The following DPAGT1 variants were observed in gnomAD, a reference collection of about 807,000 sequenced individuals.
DPAGT1 encodes the protein UDP-N-acetylglucosamine--dolichyl-phosphate N-acetylglucosaminephosphotransferase.
In DPAGT1, 25 loss-of-function variants were observed where a neutral mutation model predicts 39.3. The observed-to-expected ratio is 0.64, with a 90% confidence interval of 0.46 to 0.89. DPAGT1 has a LOEUF of 0.89. DPAGT1 is among the 40% of genes least tolerant of loss of function. DPAGT1 has a pLI of 0.00. For missense variants in DPAGT1, 381 were observed against 500.6 expected, an observed-to-expected ratio of 0.76 and a Z score of 2.28; for synonymous variants, 193 against 201.4, an observed-to-expected ratio of 0.96 and a Z score of 0.36.
Position 119,096,884 on chromosome 11 carries a change from G to A in DPAGT1, c.*114C>T. 1.7e-6 allele frequency: 2 copies of A among 1,197,134 alleles called. No individual in the cohort carries two copies. Among genetic ancestry groups the A allele is most frequent in the South Asian group, 1.3e-5 (1 of 77,342 alleles). The allele number at this position is 1,197,134 out of a possible 1,614,324, so 74.2% of individuals were successfully genotyped here. A position where few individuals can be genotyped will look rare whatever the true frequency, so the allele number is the denominator to read the frequency against. ...AAAATGCTGAGAACAAAATCTGGAGGAGTATGAAGAGTGAGAGAGGCCTGG... is the reference window on the plus strand; with the variant it reads ...AAAATGCTGAGAACAAAATCTGGAGAAGTATGAAGAGTGAGAGAGGCCTGG... On this transcript the variant is annotated 3_prime_UTR_variant, in exon 9 of 9. Coordinates refer to ENST00000354202, the MANE Select transcript of DPAGT1 (RefSeq NM_001382.4).
At chr11:119,095,033 G>A (rs1395282840), downstream of DPAGT1, 1 of 1,613,558 alleles carries the variant, frequency 6.2e-7, no homozygotes. Context: ...GGTGGCGCTG[G>A]TCTTCTTGGG....
chr11:119,098,481 C>A lies in DPAGT1; in HGVS notation c.650G>T (p.Cys217Phe). The A allele has an allele frequency of 6.2e-7, 1 of 1,614,180 alleles. No individual in the cohort carries two copies. Among genetic ancestry groups the A allele is most frequent in the Non-Finnish European group, 8.5e-7 (1 of 1,180,000 alleles). ...VFNLVELEGDCRDDHVFSLYF... is the reference protein window; with the variant it reads ...VFNLVELEGDFRDDHVFSLYF... Reference sequence around the variant, plus strand: ...GAGGGAAAAGACATGATCATCCCGACAATCACCTTTGGAAGCAAGGAAGAA... The same window carrying A: ...GAGGGAAAAGACATGATCATCCCGAAAATCACCTTTGGAAGCAAGGAAGAA... The change falls in exon 5 of 9, where the codon TGT becomes TTT. Residue 217 changes from cysteine (C) to phenylalanine (F), a missense_variant. Cys to Phe is a radical substitution (Grantham distance 205). Transcript: ENST00000354202.
rs1324478703 is a variant in DPAGT1 at position 119,097,447 on chromosome 11, CCTT to C, written c.1005+14_1005+16del. On this transcript the variant is annotated intron_variant, in intron 7 of 8. Transcript: ENST00000354202. The surrounding 1 kb of genome is among the most constrained non-coding windows in gnomAD (Gnocchi z 4.6). Reference sequence around the variant, plus strand: ...AGGATGGCAGCCTAGGGCCTTACCTCCTTGTTACCCTGTTACCTTTAAAATAAA... The same window carrying C: ...AGGATGGCAGCCTAGGGCCTTACCTCGTTACCCTGTTACCTTTAAAATAAA... The C allele has an allele frequency of 6.2e-7, 1 of 1,614,166 alleles. No homozygotes were observed. The highest frequency in any genetic ancestry group is 1.3e-5 in the African/African-American group (1 of 75,048).
chr11:119,096,261 G>T (rs114472372), downstream of DPAGT1, among the ~76,000 whole-genome samples: 1,239 of 152,236 alleles, frequency 8.1e-3, 24 homozygotes, highest in African/African-American at 0.028. Flanking sequence ...TGCACCCGGT[G>T]ACTCTTTGAA....
At position 119,101,093 on chromosome 11, in the gene DPAGT1, G is replaced by A; in HGVS notation, c.207C>T (p.Ile69=). Residue 69 remains isoleucine (I), a synonymous_variant, in exon 2 of 9, where the codon ATC becomes ATT. Coordinates refer to ENST00000354202, the MANE Select transcript of DPAGT1 (RefSeq NM_001382.4). ...GVISGAVFLI[I]LFCFIPFPFL... ...AGGGGAAAGGGATGAAGCAGAAGAG[G>A]ATGATAAGGAAAACAGCACCGCTGA... is the stretch of plus-strand genomic sequence containing the variant. 1 of 1,614,182 alleles carries A rather than the reference G, an allele frequency of 6.2e-7. No individual in the cohort carries two copies. Among genetic ancestry groups the A allele is most frequent in the Non-Finnish European group, 8.5e-7 (1 of 1,180,036 alleles).
chr11:119,094,413 G>A (rs566668662), downstream of DPAGT1: 4 of 152,244 alleles, frequency 2.6e-5, no homozygotes, highest in African/African-American at 4.8e-5. Flanking sequence ...CACCACGCCG[G>A]GGGGGTACCA....
At chr11:119,095,206 G>A (rs749203621), downstream of DPAGT1, 2 of 1,614,004 alleles carry the variant, frequency 1.2e-6, no homozygotes, top group South Asian at 1.1e-5. Context: ...CCAGCTCCAG[G>A]ATCTCAGCGG....
At chr11:119,099,780 CAAAAAA>C (rs57486910) in intron 4 of DPAGT1, among the ~76,000 whole-genome samples, 29,700 of 74,840 alleles carry the variant, frequency 0.4, 3,365 homozygotes, top group Non-Finnish European at 0.45. Flanking sequence ...GACCCTGTCT[CAAAAAA>C]AAAAAAAAAA....
chr11:119,094,915 T>G, downstream of DPAGT1: 1 of 1,532,692 alleles, frequency 6.5e-7, no homozygotes, highest in Non-Finnish European at 8.8e-7. Flanking sequence ...AAAAGGGCCT[T>G]TGTGGTGGCA....
chr11:119,095,945 A>G (rs529590324), downstream of DPAGT1, among the ~76,000 whole-genome samples: 3 of 152,206 alleles, frequency 2.0e-5, no homozygotes, highest in African/African-American at 7.2e-5. Context: ...AGACCCCTTA[A>G]AAGTTTTCTT....
intron 5 of DPAGT1, 82 bp downstream of exon 5, chr11:119,098,321 C>T: frequency 6.8e-7 from 1 of 1,464,516 alleles, no homozygotes; most frequent in Non-Finnish European, 9.6e-7. Flanking sequence ...GGTTTAGCTT[C>T]ACCACCACAA....
At position 119,100,621 on chromosome 11, in the gene DPAGT1, A is replaced by T; in HGVS notation, c.496+9T>A. On this transcript the variant is annotated intron_variant, in intron 3 of 8. Transcript: ENST00000354202. ...GTGCCATAGGGGCAGCAGTGGTAGG[A>T]CTACCTACCCAAGTCCAGATGCAGG... The T allele has an allele frequency of 6.2e-7, 1 of 1,613,844 alleles. No individual in the cohort carries two copies. Among genetic ancestry groups the T allele is most frequent in the Non-Finnish European group, 8.5e-7 (1 of 1,179,846 alleles).
At chr11:119,095,352 C>T (rs952709191), downstream of DPAGT1, 6 of 1,594,006 alleles carry the variant, frequency 3.8e-6, no homozygotes, top group Non-Finnish European at 5.1e-6. Context: ...CGCGACTTGG[C>T]CTTGGCGCGG....
In DPAGT1 at chr11:119,096,806, G is replaced by A; in HGVS notation, c.*192C>T. The A allele has an allele frequency of 1.5e-6, 1 of 680,260 alleles. No individual in the cohort carries two copies. Among genetic ancestry groups the A allele is most frequent in the East Asian group, 2.7e-5 (1 of 36,768 alleles). 42.1% of individuals were successfully genotyped at this position (680,260 alleles called of 1,614,324 possible). ...GAAAGCCATAGGTAAAATCCAATCA[G>A]TAGTCAGCAGAGGGCAAGAAACGCC... On this transcript the variant is annotated 3_prime_UTR_variant, in exon 9 of 9. Transcript: ENST00000354202.
intron 3 of DPAGT1, 76 bp downstream of exon 3, chr11:119,100,554 T>C (rs1404464148): frequency 1.9e-6 from 3 of 1,599,872 alleles, no homozygotes; most frequent in Non-Finnish European, 2.6e-6. Context: ...AAGGAACACT[T>C]GGAGGAGAAT....
At chr11:119,095,567 G>C (rs1054796951), downstream of DPAGT1, 9 of 717,380 alleles carry the variant, frequency 1.3e-5, no homozygotes, top group Admixed American at 6.8e-5. Context: ...GGTTGGTTGC[G>C]GTTAACCCTT....
intron 4 of DPAGT1, 49 bp from the exon 5 acceptor site, chr11:119,098,536 G>T: frequency 6.3e-7 from 1 of 1,581,774 alleles, no homozygotes; most frequent in Non-Finnish European, 8.7e-7. Context: ...CACTTCCTCT[G>T]CAAACCTTGG....
chr11:119,094,308 C>G (rs913401633), downstream of DPAGT1: 1 of 152,292 alleles, frequency 6.6e-6, no homozygotes, highest in African/African-American at 2.4e-5. Flanking sequence ...GCCTGGGTCC[C>G]GGCCGCAGAA....
At chr11:119,094,969 C>T (rs1946365479), downstream of DPAGT1, 2 of 1,610,598 alleles carry the variant, frequency 1.2e-6, no homozygotes, top group African/African-American at 2.7e-5. Context: ...CCTCTTAGTA[C>T]TCCTGGGAGG....
Sources: gnomAD v4.1 joint callset for allele counts (sites outside exome capture counted in the v4.1 genomes callset) on GRCh38, gnomAD v4.1.1 for gene constraint, Gnocchi (gnomAD v3.1) non-coding constraint, MANE v1.5 for transcripts, NCBI Gene and HGNC (gene_info 2026-07-23, HGNC 2026-07-21) for gene names.